The following PHLPP2 variants were observed in gnomAD, a reference collection of about 807,000 sequenced individuals.
The protein encoded by PHLPP2 is PH domain and leucine rich repeat protein phosphatase 2, also known as PH domain leucine-rich repeat-containing protein phosphatase 2.
Under a neutral mutation model 124.9 loss-of-function variants are expected in PHLPP2, and 66 were observed. The ratio of observed to expected loss-of-function variants is 0.53; its 90% confidence interval spans 0.43 to 0.65. The LOEUF (loss-of-function observed/expected upper bound fraction) is 0.65. PHLPP2 is among the 30% of genes least tolerant of loss of function. PHLPP2 has a pLI of 0.00. For missense variants in PHLPP2, 1,685 were observed against 1,600.4 expected (o/e 1.05, Z -0.90); for synonymous variants, 681 against 624.7 (o/e 1.09, Z -1.34).
chr16:71,706,549 G>C (rs769265031), intron 2 of PHLPP2, among the ~76,000 whole-genome samples: 10 of 152,138 alleles, frequency 6.6e-5, no homozygotes, highest in Non-Finnish European at 1.3e-4. Context: ...GCCTATAAAG[G>C]TAAAATCTGC....
rs1160852643 is a variant in PHLPP2 at position 71,672,205 on chromosome 16, C to T, written c.1532+57G>A. On this transcript the variant is annotated intron_variant, in intron 10 of 18. Transcript: ENST00000568954. ...TTGTACATCAAAACTGCCAAAAAAT[C>T]CACATGTATCTCTTAAATAGTAAGA... The T allele has an allele frequency of 4.6e-6, 6 of 1,299,324 alleles. No homozygotes were observed. The Admixed American group carries it at 1.1e-4, about 24-fold the overall frequency. The allele number at this position is 1,299,324 out of a possible 1,614,324, so 80.5% of individuals were successfully genotyped here.
chr16:71,670,611 GTT>G (rs2044882762), intron 10 of PHLPP2, among the ~76,000 whole-genome samples: 1 of 120,748 alleles, frequency 8.3e-6, no homozygotes, highest in Non-Finnish European at 1.9e-5. Flanking sequence ...TAAGAAAATA[GTT>G]AGGGGGATTG....
chr16:71,684,175 G>C (rs868390338), intron 5 of PHLPP2, among the ~76,000 whole-genome samples: 4 of 149,130 alleles, frequency 2.7e-5, no homozygotes, highest in Middle Eastern at 3.4e-3. Flanking sequence ...CATCAGGCTG[G>C]AGTGCAGTGG....
intron 4 of PHLPP2, 25 bp from the exon 5 acceptor site, chr16:71,684,626 C>A: frequency 1.3e-6 from 2 of 1,570,404 alleles, no homozygotes; most frequent in Non-Finnish European, 1.7e-6. Context: ...GGGAGAAAAC[C>A]AGAACCACTA....
At position 71,702,609 on chromosome 16, in the gene PHLPP2, C is replaced by G; in HGVS notation, c.407G>C (p.Arg136Pro). 6.2e-7 allele frequency: 1 copy of G among 1,609,602 alleles called. No individual in the cohort carries two copies. Among genetic ancestry groups the G allele is most frequent in the South Asian group, 1.1e-5 (1 of 90,634 alleles). ...TGATAAATTCTTACCACCATAAAAT[C>G]GAATCATACAGCCGAGGTCAGGATT... is the stretch of plus-strand genomic sequence containing the variant. ...ATNPDLGCMI[R>P]FYGEKPCHMD... The change falls in exon 3 of 19, where the codon CGA becomes CCA. Residue 136 changes from arginine to proline, a missense_variant. Physicochemically the swap from Arg to Pro is moderately radical, Grantham distance 103. Transcript: ENST00000568954.
At chr16:71,658,389 G>T (rs371731952) in intron 14 of PHLPP2, 26 bp from the exon 15 acceptor site, 41 of 1,603,596 alleles carry the variant, frequency 2.6e-5, no homozygotes, top group Admixed American at 1.0e-4. Flanking sequence ...GAAATCAAAA[G>T]AAAATACATC....
intron 8 of PHLPP2, chr16:71,677,735 ATAT>A (rs2044960718): frequency 6.6e-6 from 1 of 151,886 alleles, no homozygotes; most frequent in South Asian, 2.1e-4. Flanking sequence ...CTTTAGGAAA[ATAT>A]TATGACTAGA....
chr16:71,720,544 C>G (rs1374111632), intron 1 of PHLPP2, among the ~76,000 whole-genome samples: 2 of 152,272 alleles, frequency 1.3e-5, no homozygotes, highest in Admixed American at 6.5e-5. Flanking sequence ...GGTAAAGTAA[C>G]TCTCCATATT....
At chr16:71,703,119 T>C (rs193271891) in intron 2 of PHLPP2, among the ~76,000 whole-genome samples, 26 of 152,202 alleles carry the variant, frequency 1.7e-4, no homozygotes, top group Non-Finnish European at 3.8e-4. Flanking sequence ...CATGACTTCA[T>C]TCCTTTTTCA....
chr16:71,698,282 C>G (rs968895470), intron 3 of PHLPP2, among the ~76,000 whole-genome samples: 2 of 152,200 alleles, frequency 1.3e-5, no homozygotes, highest in Non-Finnish European at 2.9e-5. Context: ...GGATGAGCTG[C>G]TTCTCAGCCC....
At chr16:71,699,968 A>T (rs2045213315) in intron 3 of PHLPP2, among the ~76,000 whole-genome samples, 1 of 152,234 alleles carries the variant, frequency 6.6e-6, no homozygotes, top group Non-Finnish European at 1.5e-5. Flanking sequence ...CCAGCGTCCA[A>T]TCAGCTAGCC....
At chr16:71,681,722 G>A (rs2045000380) in intron 6 of PHLPP2, 29 bp downstream of exon 6, 12 of 1,568,100 alleles carry the variant, frequency 7.7e-6, no homozygotes, top group Non-Finnish European at 1.0e-5. Context: ...GTTTTAACAG[G>A]TTAGTCTGGA....
At chr16:71,671,656 T>G (rs1369426122) in intron 10 of PHLPP2, among the ~76,000 whole-genome samples, 1 of 152,060 alleles carries the variant, frequency 6.6e-6, no homozygotes, top group East Asian at 1.9e-4. Context: ...GGCTCACGCC[T>G]GTAATCCCAG....
intron 4 of PHLPP2, among the ~76,000 whole-genome samples, chr16:71,690,192 G>C (rs770294633): frequency 4.2e-4 from 64 of 152,080 alleles, no homozygotes; most frequent in Non-Finnish European, 6.8e-4. Flanking sequence ...AACCCCGAAA[G>C]AATCTATTTG....
At chr16:71,708,218 C>G (rs2045294346) in intron 2 of PHLPP2, among the ~76,000 whole-genome samples, 1 of 152,310 alleles carries the variant, frequency 6.6e-6, no homozygotes, top group African/African-American at 2.4e-5. Context: ...TGTCAAGCCT[C>G]TGAGCCCAAG....
At chr16:71,718,543 G>A (rs1285136915) in intron 1 of PHLPP2, among the ~76,000 whole-genome samples, 2 of 149,800 alleles carry the variant, frequency 1.3e-5, no homozygotes, top group Non-Finnish European at 3.0e-5. Context: ...TTGCGCCACT[G>A]CAATCCAGCC....
rs1355988977 is a variant in PHLPP2 at position 71,647,800 on chromosome 16, C to T, written c.*1090G>A. The T allele has an allele frequency of 6.6e-6, 1 of 152,256 alleles. No homozygotes were observed. The highest frequency in any genetic ancestry group is 1.5e-5 in the Non-Finnish European group (1 of 68,086). 9.4% of individuals were successfully genotyped at this position (152,256 alleles called of 1,614,324 possible). A position where few individuals can be genotyped will look rare whatever the true frequency, so the allele number is the denominator to read the frequency against. ...CCTCACGCCTTCCCCATTTTCATCC[C>T]CAAAAGAAGATCCTATTACCCCAAG... is the stretch of plus-strand genomic sequence containing the variant. On this transcript the variant is annotated 3_prime_UTR_variant, in exon 19 of 19. Transcript: ENST00000568954.
At chr16:71,690,731 A>C (rs761010912) in intron 3 of PHLPP2, 22 bp from the exon 4 acceptor site, 1 of 1,525,346 alleles carries the variant, frequency 6.6e-7, no homozygotes, top group South Asian at 1.1e-5. Flanking sequence ...ATAATACTTC[A>C]GAATCCACCA....
rs907150239 is a variant in PHLPP2, at chr16:71,662,250, T to C, written c.1985+1649A>G. ...TTCGAGACTAGTCTGGCCAATATGG[T>C]GAAACCCTGTCTCTACAAAAATACA... On this transcript the variant is annotated intron_variant, in intron 13 of 18. Transcript: ENST00000568954. Among the ~76,000 whole-genome samples, 5 of 151,552 alleles carry C rather than the reference T, an allele frequency of 3.3e-5. No individual in the cohort carries two copies. The East Asian group carries it at 1.0e-3, about 30-fold the overall frequency.
Sources: allele counts gnomAD v4.1 joint callset (sites outside exome capture counted in the v4.1 genomes callset), GRCh38; gene constraint gnomAD v4.1.1; transcripts MANE v1.5; gene names NCBI Gene and HGNC (gene_info 2026-07-23, HGNC 2026-07-21).